CSMD1: variants seen among roughly 807,000 people sequenced by gnomAD.
CSMD1 encodes the protein CUB and sushi domain-containing protein 1.
A neutral mutation model predicts 417.5 loss-of-function variants in CSMD1; 213 were observed. The observed-to-expected ratio is 0.51, with a 90% CI of 0.46 to 0.57. CSMD1 has a LOEUF of 0.57. CSMD1 is among the 20% of genes least tolerant of loss of function. The probability of loss-of-function intolerance (pLI) is 0.00; values close to 1 mark genes in which losing one functional copy is unlikely to be tolerated. For missense variants in CSMD1, 6,923 were observed against 4,529.7 expected (o/e 1.53, Z -15.17); for synonymous variants, 2,862 against 1,736.8 (o/e 1.65, Z -16.11).
At chr8:3,462,483 C>G (rs1816566894) in intron 12 of CSMD1, among the ~76,000 whole-genome samples, 1 of 152,116 alleles carries the variant, frequency 6.6e-6, no homozygotes, top group Non-Finnish European at 1.5e-5. Context: ...AGTGTGAACC[C>G]TATTGTGAAC....
intron 49 of CSMD1, among the ~76,000 whole-genome samples, chr8:3,059,567 C>T (rs550466380): frequency 1.5e-4 from 23 of 152,184 alleles, no homozygotes; most frequent in African/African-American, 5.5e-4. Flanking sequence ...ATAGGAGGCA[C>T]GTCAGGACAC....
intron 2 of CSMD1, among the ~76,000 whole-genome samples, chr8:4,483,350 T>A (rs899951202): frequency 3.9e-5 from 6 of 152,178 alleles, no homozygotes; most frequent in African/African-American, 9.7e-5. Flanking sequence ...AATGAACAAA[T>A]ACACCAGTAG....
chr8:3,983,984 C>G (rs558731609), intron 5 of CSMD1, among the ~76,000 whole-genome samples: 57 of 150,280 alleles, frequency 3.8e-4, no homozygotes, highest in African/African-American at 1.2e-3. Flanking sequence ...AATTGCAGCT[C>G]TAGAGCACAG....
At chr8:3,900,891 G>C (rs1036988246) in intron 5 of CSMD1, among the ~76,000 whole-genome samples, 9 of 152,198 alleles carry the variant, frequency 5.9e-5, no homozygotes, top group Admixed American at 3.9e-4. Context: ...TCAGGCGTTT[G>C]CTTGATCTGA....
chr8:4,987,600 T>A (rs1040734581), intron 1 of CSMD1, among the ~76,000 whole-genome samples: 1 of 152,348 alleles, frequency 6.6e-6, no homozygotes, highest in Admixed American at 6.5e-5. Flanking sequence ...GGAATCTGAC[T>A]GATATTTTAT....
At position 3,748,850 on chromosome 8, in the gene CSMD1, T is replaced by C. The variant is rs142649946; in HGVS notation, c.931+5080A>G. 2.6e-3 allele frequency among the ~76,000 whole-genome samples: 394 copies of C among 152,324 alleles called. 3 individuals are homozygous for C. Among genetic ancestry groups the C allele is most frequent in the African/African-American group, 9.1e-3 (378 of 41,576 alleles). On this transcript the variant is annotated intron_variant, in intron 6 of 69. Transcript: ENST00000635120. ...CTATAACCTAAAAACAAACTAATTA[T>C]TTGTGTCAACACAAGCTTTATCGCC...
intron 1 of CSMD1, among the ~76,000 whole-genome samples, chr8:4,898,836 G>A (rs998217806): frequency 6.6e-6 from 1 of 152,038 alleles, no homozygotes; most frequent in Non-Finnish European, 1.5e-5. Flanking sequence ...GTTGTGGCAG[G>A]ACAGAAATGA....
chr8:3,635,793 C>CAA (rs752552617), intron 7 of CSMD1, among the ~76,000 whole-genome samples: 1,149 of 98,928 alleles, frequency 0.012, 31 homozygotes, highest in African/African-American at 0.039. Flanking sequence ...GCTTCCATCT[C>CAA]AAAAAAAAAA....
intron 10 of CSMD1, among the ~76,000 whole-genome samples, chr8:3,546,084 A>C (rs938860033): frequency 2.0e-5 from 3 of 152,236 alleles, no homozygotes. Flanking sequence ...TTGCTAACAA[A>C]TGTAAATAGC....
At chr8:3,977,510 G>T (rs1813528560) in intron 5 of CSMD1, among the ~76,000 whole-genome samples, 1 of 152,150 alleles carries the variant, frequency 6.6e-6, no homozygotes, top group Non-Finnish European at 1.5e-5. Context: ...CAGGTAATTT[G>T]CTTTGACAGT....
At chr8:4,125,509 G>A (rs991399998) in intron 3 of CSMD1, among the ~76,000 whole-genome samples, 1 of 152,116 alleles carries the variant, frequency 6.6e-6, no homozygotes. Flanking sequence ...CACGTCGGCC[G>A]GACCTCCTGA....
rs546040233 is a variant in CSMD1 at position 3,542,123 on chromosome 8, TA to T, written c.1344+32821del. ...TTAAAAAATTCAACAGAGACTCTTT[TA>T]TTTCCTATGGAAATCCCTTTAAAGT... is the stretch of plus-strand genomic sequence containing the variant. On this transcript the variant is annotated intron_variant, in intron 10 of 69. Coordinates refer to ENST00000635120, the MANE Select transcript of CSMD1 (RefSeq NM_033225.6). 7.2e-5 allele frequency among the ~76,000 whole-genome samples: 11 copies of T among 152,370 alleles called. No homozygotes were observed. The South Asian group carries it at 2.1e-3, about 29-fold the overall frequency.
intron 2 of CSMD1, among the ~76,000 whole-genome samples, chr8:4,634,215 G>A (rs966792139): frequency 2.0e-5 from 3 of 151,998 alleles, no homozygotes; most frequent in African/African-American, 7.3e-5. Context: ...AATCCAAGAT[G>A]ATAATATAAA....
chr8:3,028,589 C>G (rs888682458), intron 51 of CSMD1, among the ~76,000 whole-genome samples: 1 of 152,056 alleles, frequency 6.6e-6, no homozygotes, highest in Admixed American at 6.6e-5. Flanking sequence ...GCTTGTGGTA[C>G]GTGTTTCATT....
chr8:4,113,895 G>C (rs957192677), intron 3 of CSMD1, among the ~76,000 whole-genome samples: 1 of 152,180 alleles, frequency 6.6e-6, no homozygotes, highest in African/African-American at 2.4e-5. Flanking sequence ...GGAAGTTGCA[G>C]AAGAAAACTC....
chr8:4,426,912 T>A (rs550313435), intron 2 of CSMD1, among the ~76,000 whole-genome samples: 1 of 152,050 alleles, frequency 6.6e-6, no homozygotes, highest in East Asian at 1.9e-4. Flanking sequence ...TTTCAGCTTT[T>A]TATTTTATAT....
chr8:3,633,817 G>A (rs1335356331), intron 7 of CSMD1, among the ~76,000 whole-genome samples: 1 of 152,140 alleles, frequency 6.6e-6, no homozygotes, highest in Non-Finnish European at 1.5e-5. Flanking sequence ...TGCATAGCTT[G>A]TAACCAGCTA....
At chr8:3,115,296 C>T (rs571434704) in intron 42 of CSMD1, among the ~76,000 whole-genome samples, 21 of 146,070 alleles carry the variant, frequency 1.4e-4, no homozygotes, top group African/African-American at 4.2e-4. Flanking sequence ...CCGCCTTCTG[C>T]GTTCAAGTGA....
chr8:3,348,645 C>T (rs953816623), intron 21 of CSMD1, among the ~76,000 whole-genome samples: 1 of 152,194 alleles, frequency 6.6e-6, no homozygotes, highest in African/African-American at 2.4e-5. Context: ...ACAGACCAAA[C>T]CACTGAGTTA....
Sources: gnomAD v4.1 joint callset for allele counts (sites outside exome capture counted in the v4.1 genomes callset) on GRCh38, gnomAD v4.1.1 for gene constraint, MANE v1.5 for transcripts, NCBI Gene and HGNC (gene_info 2026-07-23, HGNC 2026-07-21) for gene names.